Variants in CLPTM1L observed in about 807,000 individuals in gnomAD.
CLPTM1L encodes lipid scramblase CLPTM1L.
A neutral mutation model predicts 70.9 loss-of-function variants in CLPTM1L; 38 were observed. That is an observed-to-expected ratio of 0.54 (90% confidence interval 0.41 to 0.70). The LOEUF is 0.70. Among genes scored for constraint, CLPTM1L ranks in the 30% least tolerant of loss-of-function variants. CLPTM1L has a pLI of 0.00. For synonymous variants in CLPTM1L, 339 were observed against 299.9 expected (o/e 1.13, Z -1.35); for missense variants, 652 against 705.9 (o/e 0.92, Z 0.87).
chr5:1,338,155 T>C, intron 4 of CLPTM1L, 173 bp from the exon 5 acceptor site: 1 of 632,140 alleles, frequency 1.6e-6, no homozygotes, highest in Non-Finnish European at 2.9e-6. Flanking sequence ...GCAGAGAGCC[T>C]GACAACATAT....
chr5:1,335,051 A>T lies in CLPTM1L; in HGVS notation c.796+6T>A. On this transcript the variant is annotated splice_donor_region_variant and intron_variant, in intron 6 of 16. Transcript: ENST00000320895. ...CACCCAGGCGCCGGCCGTGTGCGGC[A>T]CATACCGAACTGCTGCAGGGAGTAC... The T allele has an allele frequency of 6.2e-7, 1 of 1,611,314 alleles. No individual in the cohort carries two copies. Among genetic ancestry groups the T allele is most frequent in the South Asian group, 1.1e-5 (1 of 91,040 alleles).
chr5:1,331,755 C>T (rs1206290063), intron 8 of CLPTM1L, 44 bp downstream of exon 8: 1 of 1,563,092 alleles, frequency 6.4e-7, no homozygotes, highest in East Asian at 2.2e-5. Context: ...CAGTGAGCTC[C>T]CTGGGGCAGA....
In CLPTM1L at chr5:1,345,037, C is replaced by CCTGGCGCCGCGGGATTCG; in HGVS notation, c.-214_-197dup. ...CCCGCATGCTCCGGCCCCGCTCCCA[C>CCTGGCGCCGCGGGATTCG]CTGGCGCCGCGGGATTCGCCGGCCC... On this transcript the variant is annotated 5_prime_UTR_variant, in exon 1 of 17. Transcript: ENST00000320895. 1 of 175,186 alleles carries CCTGGCGCCGCGGGATTCG rather than the reference C, an allele frequency of 5.7e-6. No homozygotes were observed. Among genetic ancestry groups the CCTGGCGCCGCGGGATTCG allele is most frequent in the Admixed American group, 6.6e-5 (1 of 15,088 alleles). The allele number at this position is 175,186 out of a possible 1,614,324, so 10.9% of individuals were successfully genotyped here. A position where few individuals can be genotyped will look rare whatever the true frequency, so the allele number is the denominator to read the frequency against.
At chr5:1,319,265 G>A (rs572548489) in intron 16 of CLPTM1L, among the ~76,000 whole-genome samples, 156 of 150,732 alleles carry the variant, frequency 1.0e-3, no homozygotes, top group Non-Finnish European at 2.0e-3. Context: ...ACCAAGCCCC[G>A]TGTGAGTGTG....
intron 13 of CLPTM1L, among the ~76,000 whole-genome samples, 182 bp from the exon 14 acceptor site, chr5:1,322,001 G>C (rs1374020920): frequency 6.6e-6 from 1 of 152,234 alleles, no homozygotes; most frequent in Admixed American, 6.5e-5. Context: ...TTTCTGGCTG[G>C]TAAGTTTATC....
chr5:1,324,062 C>T (rs898862477), intron 11 of CLPTM1L, 193 bp from the exon 12 acceptor site: 32 of 587,734 alleles, frequency 5.4e-5, no homozygotes, highest in Non-Finnish European at 7.9e-5. Flanking sequence ...CAGGAGGCAC[C>T]GCACACGCCA....
At chr5:1,340,085 C>T (rs1753846535) in intron 3 of CLPTM1L, among the ~76,000 whole-genome samples, 1 of 152,252 alleles carries the variant, frequency 6.6e-6, no homozygotes, top group African/African-American at 2.4e-5. Context: ...AACAGCCCCC[C>T]ATCCTTATCT....
At chr5:1,328,551 C>A (rs1049139135) in intron 9 of CLPTM1L, among the ~76,000 whole-genome samples, 2 of 151,228 alleles carry the variant, frequency 1.3e-5, no homozygotes, top group African/African-American at 4.9e-5. Context: ...CCAGCTCCTC[C>A]TCTACGGACA....
At chr5:1,327,641 C>T (rs1471397770) in intron 9 of CLPTM1L, among the ~76,000 whole-genome samples, 8 of 150,536 alleles carry the variant, frequency 5.3e-5, no homozygotes, top group African/African-American at 1.2e-4. Context: ...ACATTCCACC[C>T]AGCTCCTCCT....
At chr5:1,343,731 T>C (rs1020492392) in intron 2 of CLPTM1L, among the ~76,000 whole-genome samples, 2 of 152,192 alleles carry the variant, frequency 1.3e-5, no homozygotes, top group South Asian at 2.1e-4. Context: ...GAGTCCAGCA[T>C]GAGTCTCAAA....
Position 1,342,765 on chromosome 5 carries a change from CTG to C in CLPTM1L, c.264-907_264-906del, listed in dbSNP as rs1754028182. Among the ~76,000 whole-genome samples, 2 of 152,336 alleles carry C rather than the reference CTG, an allele frequency of 1.3e-5. No homozygotes were observed. Among genetic ancestry groups the C allele is most frequent in the Admixed American group, 1.3e-4 (2 of 15,300 alleles). ...CACCATGCCTGGCTAACTTTGAAAA[CTG>C]TTGTAGAGATGGGGTTTTGTCACAT... On this transcript the variant is annotated intron_variant, in intron 2 of 16. Transcript: ENST00000320895. This position sits in a 1 kb window ranked among gnomAD's most constrained non-coding sequence, Gnocchi z 4.3.
At chr5:1,343,410 T>C (rs145297127) in intron 2 of CLPTM1L, among the ~76,000 whole-genome samples, 1,769 of 152,332 alleles carry the variant, frequency 0.012, 11 homozygotes, top group Non-Finnish European at 0.021. Flanking sequence ...TCCTCCAGGC[T>C]GACACTGTGC....
rs1459408968 is a variant in CLPTM1L at position 1,331,889 on chromosome 5, G to A, written c.892-6C>T. ...GCCAGGAAATCAAAGAGAAGCTAGA[G>A]AGAACACACACGACAGCAACTCACA... On this transcript the variant is annotated splice_region_variant and splice_polypyrimidine_tract_variant and intron_variant, in intron 7 of 16. Transcript: ENST00000320895. The A allele has an allele frequency of 6.2e-7, 1 of 1,611,918 alleles. No homozygotes were observed. Among genetic ancestry groups the A allele is most frequent in the Non-Finnish European group, 8.5e-7 (1 of 1,178,708 alleles).
At chr5:1,329,487 T>C (rs71595026) in intron 9 of CLPTM1L, among the ~76,000 whole-genome samples, 214 of 124,224 alleles carry the variant, frequency 1.7e-3, no homozygotes, top group African/African-American at 5.4e-3. Flanking sequence ...GACTCTCTGC[T>C]TGGTGGACAG....
rs761764913 is a variant in CLPTM1L at position 1,334,300 on chromosome 5, C to T, written c.880G>A (p.Ala294Thr). The change falls in exon 7 of 17, where the codon GCA becomes ACA. Residue 294 changes from alanine to threonine, a missense_variant. This residue lies in a region of CLPTM1L where 402 missense variants were observed against 388.2 expected (regional missense o/e 1.04). Coordinates refer to ENST00000320895, the MANE Select transcript of CLPTM1L (RefSeq NM_030782.5). ...GGTGGATGACTCACATGGAACGCTG[C>T]GACAAAGAAGGTCAGCGCCAGGAAG... ...LYFLALTFFV[A>T]AFHLLFDFLA... The T allele has an allele frequency of 9.9e-6, 16 of 1,613,184 alleles. No individual in the cohort carries two copies. The highest frequency in any genetic ancestry group is 4.0e-5 in the African/African-American group (3 of 74,892).
chr5:1,319,323 C>T (rs954574656), intron 16 of CLPTM1L, among the ~76,000 whole-genome samples: 14 of 128,500 alleles, frequency 1.1e-4, no homozygotes, highest in Non-Finnish European at 1.5e-4. Context: ...CAAGCTGGAG[C>T]TCCCGTGCAG....
intron 8 of CLPTM1L, chr5:1,331,038 G>C (rs1235081334): frequency 1.3e-5 from 2 of 152,722 alleles, no homozygotes; most frequent in Non-Finnish European, 2.9e-5. Flanking sequence ...TCTGATACTG[G>C]AGCCAAATGC....
chr5:1,332,141 C>T (rs1209587640), intron 7 of CLPTM1L: 1 of 490,412 alleles, frequency 2.0e-6, no homozygotes, highest in Non-Finnish European at 3.7e-6. Context: ...TGGAAAGGCC[C>T]CCAGGCAATT....
chr5:1,323,537 T>G (rs1184388371), intron 12 of CLPTM1L, among the ~76,000 whole-genome samples: 1 of 152,040 alleles, frequency 6.6e-6, no homozygotes, highest in Non-Finnish European at 1.5e-5. Flanking sequence ...CCAGGACCCC[T>G]CTCAGCTCAG....
Sources: allele counts gnomAD v4.1 joint callset (sites outside exome capture counted in the v4.1 genomes callset), GRCh38; gene constraint gnomAD v4.1.1; regional missense constraint gnomAD v4.1.1; non-coding constraint Gnocchi (gnomAD v3.1); transcripts MANE v1.5; gene names NCBI Gene and HGNC (gene_info 2026-07-23, HGNC 2026-07-21).